The following CACNA1C variants were observed in gnomAD, a reference collection of about 807,000 sequenced individuals.
CACNA1C encodes the protein calcium voltage-gated channel subunit alpha1 C, also known as voltage-dependent L-type calcium channel subunit alpha-1C.
Under a neutral mutation model 229.0 loss-of-function variants are expected in CACNA1C, and 30 were observed. That is an observed-to-expected ratio of 0.13 (90% CI 0.10 to 0.18). The LOEUF (loss-of-function observed/expected upper bound fraction) is 0.18, where lower values mean the gene tolerates loss of function less well. Ranked by LOEUF, CACNA1C falls within the 10% of genes least tolerant of loss-of-function variation. The probability of loss-of-function intolerance (pLI) is 1.00; values close to 1 mark genes in which losing one functional copy is unlikely to be tolerated. For synonymous variants in CACNA1C, 1,114 were observed against 1,132.5 expected, an observed-to-expected ratio of 0.98 and a Z score of 0.33; for missense variants, 1,658 against 2,845.0, an observed-to-expected ratio of 0.58 and a Z score of 9.49.
chr12:2,619,728 T>G (rs1159209947), intron 29 of CACNA1C, among the ~76,000 whole-genome samples: 1 of 152,142 alleles, frequency 6.6e-6, no homozygotes, highest in Non-Finnish European at 1.5e-5. Context: ...TTTCAAGAAC[T>G]CTTTGTTTGT....
At chr12:2,049,383 T>A (rs999937716), upstream of CACNA1C, 9 of 152,230 alleles carry the variant, frequency 5.9e-5, no homozygotes, top group African/African-American at 2.2e-4. Flanking sequence ...TCTCTCAGTG[T>A]TATTATTTAA....
chr12:2,608,412 C>A lies in CACNA1C; in HGVS notation c.3357-99C>A. The stretch of plus-strand genomic sequence containing the variant: ...GACTCCAGCCCAGAGCTGTCTCCTG[C>A]ACCCTGATCCCTGGGATCCCTGGAG... On this transcript the variant is annotated intron_variant, in intron 26 of 46. Coordinates refer to ENST00000399655, the MANE Select transcript of CACNA1C (RefSeq NM_000719.7). The surrounding 1 kb of genome is among the most constrained non-coding windows in gnomAD (Gnocchi z 4.2). 1.1e-6 allele frequency: 1 copy of A among 887,522 alleles called. No individual in the cohort carries two copies. The highest frequency in any genetic ancestry group is 1.7e-6 in the Non-Finnish European group (1 of 583,288). The allele number at this position is 887,522 out of a possible 1,614,324, so 55.0% of individuals were successfully genotyped here. A position where few individuals can be genotyped will look rare whatever the true frequency, so the allele number is the denominator to read the frequency against.
At chr12:2,616,620 G>A (rs575126111) in intron 29 of CACNA1C, among the ~76,000 whole-genome samples, 6 of 152,358 alleles carry the variant, frequency 3.9e-5, no homozygotes, top group South Asian at 4.1e-4. Flanking sequence ...GGCGTGTCCC[G>A]TGAGCCATGG....
At position 2,585,367 on chromosome 12, in the gene CACNA1C, A is replaced by C; in HGVS notation, c.2340-9A>C. 1.1e-5 allele frequency: 18 copies of C among 1,610,424 alleles called. No individual in the cohort carries two copies. Among genetic ancestry groups the C allele is most frequent in the Non-Finnish European group, 1.5e-5 (18 of 1,178,470 alleles). On this transcript the variant is annotated splice_polypyrimidine_tract_variant and intron_variant, in intron 16 of 46. Transcript: ENST00000399655. The surrounding 1 kb of genome is among the most constrained non-coding windows in gnomAD (Gnocchi z 4.1). ...AGCCATTTATTTTTTTCTGCTGCTG[A>C]CTGGCCAGGACTGCCAGCCCAGAGA...
At chr12:2,258,423 G>GATTTT (rs1566726914) in intron 3 of CACNA1C, among the ~76,000 whole-genome samples, 2 of 149,614 alleles carry the variant, frequency 1.3e-5, no homozygotes, top group Admixed American at 6.7e-5. Context: ...TTTTCCTCAA[G>GATTTT]TTTTTTTTTT....
chr12:2,679,849 C>A lies in CACNA1C; in HGVS notation c.5444+53C>A. ...GGCACACAGGGCCCACGTGCTGCAA[C>A]CCTCAGGAGACAGTGGAGGAGACGG... is the stretch of plus-strand genomic sequence containing the variant. On this transcript the variant is annotated intron_variant, in intron 42 of 46. Coordinates refer to ENST00000399655, the MANE Select transcript of CACNA1C (RefSeq NM_000719.7). The surrounding 1 kb of genome is among the most constrained non-coding windows in gnomAD (Gnocchi z 5.5). 7.7e-7 allele frequency: 1 copy of A among 1,293,478 alleles called. No homozygotes were observed. Among genetic ancestry groups the A allele is most frequent in the Non-Finnish European group, 1.1e-6 (1 of 935,252 alleles). The allele number at this position is 1,293,478 out of a possible 1,614,324, so 80.1% of individuals were successfully genotyped here. A position where few individuals can be genotyped will look rare whatever the true frequency, so the allele number is the denominator to read the frequency against.
intron 8 of CACNA1C, among the ~76,000 whole-genome samples, chr12:2,509,962 C>T (rs2099779995): frequency 6.6e-6 from 1 of 152,166 alleles, no homozygotes; most frequent in Non-Finnish European, 1.5e-5. Flanking sequence ...AAATAAGGAG[C>T]CTGGGTGGTA....
intron 1 of CACNA1C, among the ~76,000 whole-genome samples, chr12:2,092,483 T>A (rs1031356814): frequency 1.1e-4 from 17 of 152,176 alleles, no homozygotes; most frequent in African/African-American, 3.6e-4. Flanking sequence ...GGAAGGAGCC[T>A]CGCACCCTGG....
chr12:2,417,085 A>G (rs1337260022), intron 3 of CACNA1C, among the ~76,000 whole-genome samples: 2 of 152,176 alleles, frequency 1.3e-5, no homozygotes, highest in Admixed American at 6.5e-5. Context: ...ACTTCTATAC[A>G]ATGTGGAGCA....
At chr12:2,685,997 G>A (rs534944441) in intron 44 of CACNA1C, among the ~76,000 whole-genome samples, 155 bp downstream of exon 44, 35 of 152,332 alleles carry the variant, frequency 2.3e-4, no homozygotes, top group Middle Eastern at 6.8e-3. Context: ...AAGGCAGGGT[G>A]TGCAGGGATG....
intron 1 of CACNA1C, among the ~76,000 whole-genome samples, chr12:2,087,760 G>T (rs536469452): frequency 6.6e-6 from 1 of 152,274 alleles, no homozygotes; most frequent in African/African-American, 2.4e-5. Context: ...GCAGGAGATG[G>T]ATAAGCAAGC....
rs1041839038 is a variant in CACNA1C, at chr12:2,034,091, G to A, written c.139+62890G>A. ...ATTTTTAACATCTGCTACACCTTAGGCCGTTGGAACATACTAACTCATTTT... is the reference window on the plus strand; with the variant it reads ...ATTTTTAACATCTGCTACACCTTAGACCGTTGGAACATACTAACTCATTTT... On this transcript the variant is annotated intron_variant, in intron 1 of 46. Coordinates refer to the CACNA1C transcript ENST00000682462. The surrounding 1 kb of genome is among the most constrained non-coding windows in gnomAD (Gnocchi z 4.1). Among the ~76,000 whole-genome samples the A allele has an allele frequency of 1.3e-5, 2 of 152,156 alleles. No homozygotes were observed. The highest frequency in any genetic ancestry group is 4.8e-5 in the African/African-American group (2 of 41,444).
intron 3 of CACNA1C, among the ~76,000 whole-genome samples, chr12:2,128,534 C>T (rs935041451): frequency 6.6e-6 from 1 of 152,100 alleles, no homozygotes; most frequent in African/African-American, 2.4e-5. Context: ...TCTCAGCCTC[C>T]CGAGTAGCTG....
At chr12:2,118,596 A>G (rs1326003853) in intron 2 of CACNA1C, among the ~76,000 whole-genome samples, 1 of 152,224 alleles carries the variant, frequency 6.6e-6, no homozygotes, top group Non-Finnish European at 1.5e-5. Context: ...TGGGGATCAC[A>G]AGCGTACATT....
At chr12:2,226,759 TCTCC>T (rs756598130) in intron 3 of CACNA1C, among the ~76,000 whole-genome samples, 37 of 152,290 alleles carry the variant, frequency 2.4e-4, no homozygotes, top group Non-Finnish European at 4.4e-4. Context: ...TTGACTCCCA[TCTCC>T]CTCCAGTTCT....
chr12:2,246,239 C>T (rs2073155505), intron 3 of CACNA1C, among the ~76,000 whole-genome samples: 1 of 152,206 alleles, frequency 6.6e-6, no homozygotes, highest in African/African-American at 2.4e-5. Context: ...TGCAGTGGGG[C>T]AGGCTCGGCA....
chr12:2,105,454 G>T (rs1374463798), intron 1 of CACNA1C, among the ~76,000 whole-genome samples: 1 of 152,190 alleles, frequency 6.6e-6, no homozygotes, highest in Admixed American at 6.5e-5. Context: ...GTAGCAGGAT[G>T]GGGGAGAGGA....
At chr12:2,417,558 G>A (rs966467183) in intron 3 of CACNA1C, among the ~76,000 whole-genome samples, 14 of 152,192 alleles carry the variant, frequency 9.2e-5, no homozygotes, top group African/African-American at 1.2e-4. Context: ...GGCCCTGTGC[G>A]TGTGCTGCAG....
chr12:1,999,772 T>C (rs1426409892), intron 1 of CACNA1C, among the ~76,000 whole-genome samples: 1 of 152,128 alleles, frequency 6.6e-6, no homozygotes, highest in Non-Finnish European at 1.5e-5. Context: ...TTAGCCAGTT[T>C]TTTCCCTAAC....
Sources: allele counts gnomAD v4.1 joint callset (sites outside exome capture counted in the v4.1 genomes callset), GRCh38; gene constraint gnomAD v4.1.1; non-coding constraint Gnocchi (gnomAD v3.1); transcripts MANE v1.5; gene names NCBI Gene and HGNC (gene_info 2026-07-23, HGNC 2026-07-21).